Variants in ABCC1 observed in about 807,000 individuals in gnomAD.
ABCC1 encodes the protein ATP binding cassette subfamily C member 1 (ABCC1 blood group), also known as multidrug resistance-associated protein 1.
A neutral mutation model predicts 172.9 loss-of-function variants in ABCC1; 83 were observed. The observed-to-expected ratio is 0.48, with a 90% CI of 0.40 to 0.58. The LOEUF (loss-of-function observed/expected upper bound fraction) is 0.58, where lower values mean the gene tolerates loss of function less well. Among genes scored for constraint, ABCC1 ranks in the 20% least tolerant of loss-of-function variants. The pLI, the probability that ABCC1 is intolerant of heterozygous loss-of-function variation, is 0.00. For synonymous variants in ABCC1, 937 were observed against 825.2 expected (o/e 1.14, Z -2.32); for missense variants, 1,817 against 2,002.7 (o/e 0.91, Z 1.77).
chr16:16,062,954 G>A (rs1461029432), intron 12 of ABCC1, among the ~76,000 whole-genome samples: 2 of 152,100 alleles, frequency 1.3e-5, no homozygotes, highest in Non-Finnish European at 2.9e-5. Flanking sequence ...TGATTTGTGA[G>A]CTTCTTGCCT....
At chr16:16,132,983 C>G (rs1375702867) in intron 27 of ABCC1, among the ~76,000 whole-genome samples, 10 of 152,164 alleles carry the variant, frequency 6.6e-5, no homozygotes, top group Admixed American at 6.5e-4. Flanking sequence ...CTGGTTCACC[C>G]CAGTCCCTCC....
intron 7 of ABCC1, among the ~76,000 whole-genome samples, chr16:16,038,998 T>A (rs1366381083): frequency 6.6e-6 from 1 of 152,162 alleles, no homozygotes; most frequent in African/African-American, 2.4e-5. Flanking sequence ...CAGATGAAAC[T>A]GACTGCTGCT....
intron 1 of ABCC1, among the ~76,000 whole-genome samples, chr16:15,991,531 C>T (rs1189084486): frequency 2.0e-5 from 3 of 152,006 alleles, no homozygotes; most frequent in Non-Finnish European, 4.4e-5. Context: ...AGCTCAGTGT[C>T]GCCAAGCAGG....
rs1490247858 is a variant in ABCC1, at chr16:16,102,668, A to G, written c.2686A>G (p.Met896Val). The G allele has an allele frequency of 6.3e-7, 1 of 1,592,610 alleles. No individual in the cohort carries two copies. Among genetic ancestry groups the G allele is most frequent in the Non-Finnish European group, 8.6e-7 (1 of 1,169,500 alleles). Reference protein sequence around the residue: ...VSGPGKEAKQMENGMLVTDSA... With the variant: ...VSGPGKEAKQVENGMLVTDSA... ...CGGTCCAGGGAAGGAAGCAAAGCAA[A>G]TGGAGAATGGCATGCTGGTGACGGA... Residue 896 changes from methionine (M) to valine (V), a missense_variant, in exon 20 of 31, where the codon ATG becomes GTG. This residue lies in a region of ABCC1 where 1,412 missense variants were observed against 1,600.3 expected (regional missense o/e 0.88). Transcript: ENST00000399410.
At chr16:16,091,467 A>G (rs1208533234) in intron 19 of ABCC1, among the ~76,000 whole-genome samples, 1 of 151,854 alleles carries the variant, frequency 6.6e-6, no homozygotes, top group African/African-American at 2.4e-5. Context: ...AAAAAAGACA[A>G]TGCCATGGGC....
rs2048757649 is a variant in ABCC1, at chr16:16,036,420, C to T, written c.678-52C>T. 8 of 1,569,148 alleles carry T rather than the reference C, an allele frequency of 5.1e-6. No homozygotes were observed. The East Asian group carries it at 1.1e-4, about 22-fold the overall frequency. On this transcript the variant is annotated intron_variant, in intron 6 of 30. Transcript: ENST00000399410. ...GGAGTGAGTGAGCCCCGTCCTCCCCCTCCTCCTGTCATTGACTCTCATTGC... is the reference window on the plus strand; with the variant it reads ...GGAGTGAGTGAGCCCCGTCCTCCCCTTCCTCCTGTCATTGACTCTCATTGC...
chr16:16,033,084 C>T, intron 5 of ABCC1, 25 bp from the exon 6 acceptor site: 1 of 1,612,072 alleles, frequency 6.2e-7, no homozygotes, highest in Non-Finnish European at 8.5e-7. Flanking sequence ...CTCTTCCTCC[C>T]AAACCTGTGC....
chr16:15,961,679 T>C (rs1294364387), intron 1 of ABCC1, among the ~76,000 whole-genome samples: 2 of 152,208 alleles, frequency 1.3e-5, no homozygotes, highest in Non-Finnish European at 2.9e-5. Context: ...TTTTAAATAC[T>C]GTTTTGTCTC....
At chr16:16,040,965 T>C (rs1354657633) in intron 7 of ABCC1, among the ~76,000 whole-genome samples, 7 of 152,128 alleles carry the variant, frequency 4.6e-5, no homozygotes, top group African/African-American at 1.4e-4. Flanking sequence ...TGTCACTCTT[T>C]TGTCCAGGCT....
At chr16:16,085,055 G>A (rs923763246) in intron 17 of ABCC1, among the ~76,000 whole-genome samples, 1 of 152,212 alleles carries the variant, frequency 6.6e-6, no homozygotes, top group Non-Finnish European at 1.5e-5. Flanking sequence ...GCACAGAGAG[G>A]CCAAGTGACT....
chr16:16,054,756 T>G lies in ABCC1; in HGVS notation c.1474-1336T>G, dbSNP rs535841019. Among the ~76,000 whole-genome samples the G allele has an allele frequency of 8.5e-5, 13 of 152,296 alleles. No homozygotes were observed. In the East Asian group the frequency reaches 2.5e-3, roughly 29 times the overall value. ...TTCCCATCTGTGACCCGGGGATGAC[T>G]GTAGCACTAAATGATAAGAGTTCTT... is the stretch of plus-strand genomic sequence containing the variant. On this transcript the variant is annotated intron_variant, in intron 11 of 30. Transcript: ENST00000399410.
chr16:16,016,638 A>T lies in ABCC1; in HGVS notation c.615+17A>T, dbSNP rs781379768. ...CACGACCCTGTAAGTGTGACCACAG[A>T]TGAGTGTGTGTGCGTGTGTGTGTGA... On this transcript the variant is annotated intron_variant, in intron 5 of 30. Transcript: ENST00000399410. The T allele has an allele frequency of 6.2e-7, 1 of 1,614,032 alleles. No homozygotes were observed. The highest frequency in any genetic ancestry group is 8.5e-7 in the Non-Finnish European group (1 of 1,179,970).
chr16:16,006,315 A>AG (rs2047528784), intron 1 of ABCC1, among the ~76,000 whole-genome samples: 1 of 152,100 alleles, frequency 6.6e-6, no homozygotes, highest in Non-Finnish European at 1.5e-5. Context: ...GCTGCTTGGG[A>AG]GGCAGAGGTG....
At chr16:15,966,929 C>T (rs1267385224) in intron 1 of ABCC1, among the ~76,000 whole-genome samples, 1 of 152,154 alleles carries the variant, frequency 6.6e-6, no homozygotes, top group Non-Finnish European at 1.5e-5. Context: ...AGTTCTCCTG[C>T]CTCAGCCTTC....
At chr16:16,048,431 AT>A in intron 10 of ABCC1, 128 bp downstream of exon 10, 1 of 1,144,880 alleles carries the variant, frequency 8.7e-7, no homozygotes, top group Non-Finnish European at 1.2e-6. Flanking sequence ...TGTGGTTCAT[AT>A]TTTATTTTCC....
At chr16:16,132,510 G>GTGTTTTTTT (rs2045735348) in intron 27 of ABCC1, among the ~76,000 whole-genome samples, 1 of 37,298 alleles carries the variant, frequency 2.7e-5, no homozygotes, top group African/African-American at 1.0e-4. Context: ...TTGGTTGGTT[G>GTGTTTTTTT]TTTTTTTTTT....
At position 15,975,221 on chromosome 16, in the gene ABCC1, C is replaced by T. The variant is rs141093855; in HGVS notation, c.48+25422C>T. Among the ~76,000 whole-genome samples the T allele has an allele frequency of 1.6e-3, 247 of 152,290 alleles. 1 individual carries two copies. The highest frequency in any genetic ancestry group is 5.6e-3 in the African/African-American group (234 of 41,554). On this transcript the variant is annotated intron_variant, in intron 1 of 30. Coordinates refer to ENST00000399410, the MANE Select transcript of ABCC1 (RefSeq NM_004996.4). ...CCCCATGGCTAGTGCTACCTGCTAC[C>T]TTTAGGGGTGGCCTCTCCTGGGGTG...
intron 27 of ABCC1, among the ~76,000 whole-genome samples, chr16:16,132,372 C>T (rs2152139246): frequency 6.6e-6 from 1 of 151,116 alleles, no homozygotes; most frequent in Middle Eastern, 3.4e-3. Flanking sequence ...GGGGGTCCTA[C>T]TATGTTGTCC....
intron 30 of ABCC1, among the ~76,000 whole-genome samples, chr16:16,139,227 G>A (rs908112310): frequency 6.6e-6 from 1 of 152,178 alleles, no homozygotes; most frequent in Non-Finnish European, 1.5e-5. Context: ...CCAAGGAGAC[G>A]GGATAGCGAG....
Sources: gnomAD v4.1 joint callset for allele counts (sites outside exome capture counted in the v4.1 genomes callset) on GRCh38, gnomAD v4.1.1 for gene constraint, gnomAD v4.1.1 regional missense constraint, MANE v1.5 for transcripts, NCBI Gene and HGNC (gene_info 2026-07-23, HGNC 2026-07-21) for gene names.